The following CROCC variants were observed in gnomAD, a reference collection of about 807,000 sequenced individuals.
The protein encoded by CROCC is ciliary rootlet coiled-coil, rootletin, also known as rootletin.
Under a neutral mutation model 245.2 loss-of-function variants are expected in CROCC, and 180 were observed. The ratio of observed to expected loss-of-function variants is 0.73; its 90% CI spans 0.65 to 0.83. The LOEUF (loss-of-function observed/expected upper bound fraction) is 0.83, where lower values mean the gene tolerates loss of function less well. Among genes scored for constraint, CROCC ranks in the 40% least tolerant of loss-of-function variants. CROCC has a pLI of 0.00. For missense variants in CROCC, 2,688 were observed against 2,779.4 expected (o/e 0.97, Z 0.74); for synonymous variants, 1,205 against 1,241.6 (o/e 0.97, Z 0.62).
In CROCC at chr1:16,971,210, AGTGTGTGTGTGT is replaced by A. The variant is rs34364208; in HGVS notation, c.5785-224_5785-213del. Among the ~76,000 whole-genome samples the A allele has an allele frequency of 7.0e-3, 1,009 of 144,100 alleles. 15 individuals carry two copies. The highest frequency in any genetic ancestry group is 0.02 in the African/African-American group (758 of 38,566). The allele number at this position is 144,100 out of a possible 152,430, so 94.5% of individuals were successfully genotyped here. A position where few individuals can be genotyped will look rare whatever the true frequency, so the allele number is the denominator to read the frequency against. ...TTTGTGCCTGTGTGTATGATGTCTG[AGTGTGTGTGTGT>A]GTGTGTGTGTGTGTGTGTGTGTGTG... On this transcript the variant is annotated intron_variant, in intron 35 of 36. Transcript: ENST00000375541.
In CROCC at chr1:16,961,017, C is replaced by T; in HGVS notation, c.4292C>T (p.Ala1431Val). 7.6e-7 allele frequency: 1 copy of T among 1,307,852 alleles called. No individual in the cohort carries two copies. Among genetic ancestry groups the T allele is most frequent in the African/African-American group, 1.5e-5 (1 of 64,590 alleles). The allele number at this position is 1,307,852 out of a possible 1,614,324, so 81.0% of individuals were successfully genotyped here. ...RVEVQRRAAEAQLGGLRSALR... is the reference protein window; with the variant it reads ...RVEVQRRAAEVQLGGLRSALR... ...GAGGTGCAGCGGCGCGCGGCGGAGGCCCAGCTGGGTGGCCTGCGCTCGGCT... is the reference window on the plus strand; with the variant it reads ...GAGGTGCAGCGGCGCGCGGCGGAGGTCCAGCTGGGTGGCCTGCGCTCGGCT... Residue 1431 changes from alanine to valine, a missense_variant, in exon 27 of 37, where the codon GCC (alanine) becomes GTC (valine). Ala to Val is a moderately conservative substitution (Grantham distance 64, BLOSUM62 0). This residue lies in a region of CROCC where 1,218 missense variants were observed against 1,286.3 expected (regional missense o/e 0.95). Transcript: ENST00000375541.
chr1:16,962,004 GAT>G (rs2076341270), intron 27 of CROCC, among the ~76,000 whole-genome samples: 3 of 152,080 alleles, frequency 2.0e-5, no homozygotes, highest in Admixed American at 1.3e-4. Flanking sequence ...GGTTACTTAG[GAT>G]ACCAAATACA....
intron 17 of CROCC, 144 bp from the exon 18 acceptor site, chr1:16,948,187 A>C: frequency 7.2e-7 from 1 of 1,392,364 alleles, no homozygotes; most frequent in Non-Finnish European, 9.4e-7. Context: ...TGACTTGCCC[A>C]AGTACATGTA....
Position 16,956,116 on chromosome 1 carries a change from G to T in CROCC, c.3824G>T (p.Arg1275Leu), listed in dbSNP as rs377401701. 1.0e-5 allele frequency: 16 copies of T among 1,549,156 alleles called. No individual in the cohort carries two copies. Among genetic ancestry groups the T allele is most frequent in the Non-Finnish European group, 1.4e-5 (16 of 1,145,878 alleles). ...GGGCTGCAGGAGGTGGAGCGCTCAC[G>T]GCTGGAGGCTCGGCGGGAGCTGCAG... ...RTGLQEVERS[R>L]LEARRELQEL... Residue 1275 changes from arginine to leucine, a missense_variant, in exon 25 of 37, where the codon CGG becomes CTG. Physicochemically the swap from Arg to Leu is moderately radical, Grantham distance 102. Coordinates refer to ENST00000375541, the MANE Select transcript of CROCC (RefSeq NM_014675.5).
chr1:16,950,358 C>A (rs983755505), intron 19 of CROCC, among the ~76,000 whole-genome samples: 1 of 150,694 alleles, frequency 6.6e-6, no homozygotes, highest in African/African-American at 2.4e-5. Flanking sequence ...CCACTGCGCC[C>A]GGCCTATTTG....
intron 8 of CROCC, among the ~76,000 whole-genome samples, chr1:16,935,737 T>A (rs2100394959): frequency 6.6e-6 from 1 of 152,402 alleles, no homozygotes; most frequent in African/African-American, 2.4e-5. Flanking sequence ...CACTGCTTTT[T>A]CTTGGCCACA....
chr1:16,971,828 C>T (rs1356282180), intron 36 of CROCC, among the ~76,000 whole-genome samples, 181 bp downstream of exon 36: 1 of 152,206 alleles, frequency 6.6e-6, no homozygotes, highest in African/African-American at 2.4e-5. Context: ...TGCTCCTGGG[C>T]CCCAGGCCTC....
Position 16,966,594 on chromosome 1 carries a change from C to A in CROCC, c.4860+23C>A. On this transcript the variant is annotated intron_variant, in intron 30 of 36. Transcript: ENST00000375541. This position sits in a 1 kb window ranked among gnomAD's most constrained non-coding sequence, Gnocchi z 4.8. ...CAGGTGGGCAGGAGCTGAGGGCCAG[C>A]GGGGCGACGGGGAATCTGTGTACCC... The A allele has an allele frequency of 6.9e-7, 1 of 1,452,432 alleles. No individual in the cohort carries two copies. 90.0% of individuals were successfully genotyped at this position (1,452,432 alleles called of 1,614,324 possible).
In CROCC at chr1:16,930,004, C is replaced by A; in HGVS notation, c.510C>A (p.Ala170=). ...ACCAGGAGGGCCAGCAGCGGCAGGC[C>A]CAGCTTGTGCAGCGGCTGCAGGGCA... ...QAYQEGQQRQ[A]QLVQRLQGKI... Residue 170 remains alanine (A), a synonymous_variant, in exon 4 of 37, where the codon GCC becomes GCA. Transcript: ENST00000375541. The A allele has an allele frequency of 1.3e-6, 2 of 1,581,814 alleles. No individual in the cohort carries two copies. The highest frequency in any genetic ancestry group is 2.3e-5 in the South Asian group (2 of 86,936).
Position 16,948,343 on chromosome 1 carries a change from C to T in CROCC, c.2527C>T (p.Leu843=), listed in dbSNP as rs1463722405. ...QEQLAQLSRQ[L]SGREQELEQA... ...GGGTGGGGGCCAGCTCTCCCGGCAG[C>T]TGAGCGGGCGGGAGCAGGAGCTGGA... The change falls in exon 18 of 37, where the codon CTG becomes TTG. Residue 843 remains leucine, a synonymous_variant. Coordinates refer to ENST00000375541, the MANE Select transcript of CROCC (RefSeq NM_014675.5). The T allele has an allele frequency of 1.3e-6, 2 of 1,571,310 alleles. No homozygotes were observed. The highest frequency in any genetic ancestry group is 1.7e-6 in the Non-Finnish European group (2 of 1,163,202).
chr1:16,926,569 C>T (rs2075539061), intron 3 of CROCC, among the ~76,000 whole-genome samples: 1 of 152,280 alleles, frequency 6.6e-6, no homozygotes. Flanking sequence ...AGGGTCAGGT[C>T]TGTGTCCTGT....
chr1:16,916,575 C>T (rs907623919), intron 1 of CROCC, among the ~76,000 whole-genome samples: 3 of 152,282 alleles, frequency 2.0e-5, no homozygotes, highest in East Asian at 1.9e-4. Context: ...GACACAACCA[C>T]GGCTCATTGC....
At chr1:16,932,727 C>T (rs1291291959) in intron 8 of CROCC, among the ~76,000 whole-genome samples, 3 of 152,248 alleles carry the variant, frequency 2.0e-5, no homozygotes, top group Non-Finnish European at 4.4e-5. Context: ...GAGAGCCTGC[C>T]TCAGCGGGGG....
chr1:16,934,783 C>T (rs2075751038), intron 8 of CROCC, among the ~76,000 whole-genome samples: 1 of 151,932 alleles, frequency 6.6e-6, no homozygotes, highest in Non-Finnish European at 1.5e-5. Context: ...GCATTATCAG[C>T]TTCTTTTTCT....
rs2076217262 is a variant in CROCC, at chr1:16,954,572, G to A, written c.3322-162G>A. ...GGCGTGAGGGAGAGGCTGGCTACACGGGCAGCACTCACTATGCATCCAGGG... is the reference window on the plus strand; with the variant it reads ...GGCGTGAGGGAGAGGCTGGCTACACAGGCAGCACTCACTATGCATCCAGGG... On this transcript the variant is annotated intron_variant, in intron 22 of 36. Coordinates refer to ENST00000375541, the MANE Select transcript of CROCC (RefSeq NM_014675.5). The surrounding 1 kb of genome is among the most constrained non-coding windows in gnomAD (Gnocchi z 4.4). 6.6e-6 allele frequency among the ~76,000 whole-genome samples: 1 copy of A among 152,238 alleles called. No homozygotes were observed. The highest frequency in any genetic ancestry group is 2.4e-5 in the African/African-American group (1 of 41,476).
intron 1 of CROCC, among the ~76,000 whole-genome samples, chr1:16,914,696 T>C (rs1176112420): frequency 2.0e-5 from 3 of 152,276 alleles, no homozygotes; most frequent in Non-Finnish European, 2.9e-5. Flanking sequence ...CCTCTCACCA[T>C]GCGGCCTCAG....
chr1:16,948,323 G>C lies in CROCC; in HGVS notation c.2515-8G>C, dbSNP rs753873256. On this transcript the variant is annotated splice_polypyrimidine_tract_variant and splice_region_variant and intron_variant, in intron 17 of 36. Transcript: ENST00000375541. ...GGGAGTGCTACTCAGTCTCTGGGTG[G>C]GGGCCAGCTCTCCCGGCAGCTGAGC... 6.4e-7 allele frequency: 1 copy of C among 1,555,918 alleles called. No individual in the cohort carries two copies. Among genetic ancestry groups the C allele is most frequent in the Non-Finnish European group, 8.6e-7 (1 of 1,156,300 alleles).
Position 16,954,820 on chromosome 1 carries a change from G to A in CROCC, c.3408G>A (p.Arg1136=). ...EAAAAHAQEV[R]RLQEQARDLG... ...CTGCGGCCCACGCCCAGGAGGTGAG[G>A]AGGCTGCAAGAGCAGGCCCGAGACC... Residue 1136 remains arginine, a synonymous_variant, in exon 23 of 37, where the codon AGG becomes AGA. Coordinates refer to ENST00000375541, the MANE Select transcript of CROCC (RefSeq NM_014675.5). The surrounding 1 kb of genome is among the most constrained non-coding windows in gnomAD (Gnocchi z 4.4). 2 of 1,551,338 alleles carry A rather than the reference G, an allele frequency of 1.3e-6. No individual in the cohort carries two copies. The highest frequency in any genetic ancestry group is 1.2e-5 in the South Asian group (1 of 84,232).
chr1:16,939,846 T>G (rs763130003), intron 12 of CROCC, 48 bp from the exon 13 acceptor site: 7 of 1,591,316 alleles, frequency 4.4e-6, no homozygotes, highest in Non-Finnish European at 5.2e-6. Context: ...TAGGTGGCTC[T>G]GGAGGCCTCT....
Sources: allele counts gnomAD v4.1 joint callset (sites outside exome capture counted in the v4.1 genomes callset), GRCh38; gene constraint gnomAD v4.1.1; regional missense constraint gnomAD v4.1.1; non-coding constraint Gnocchi (gnomAD v3.1); transcripts MANE v1.5; gene names NCBI Gene and HGNC (gene_info 2026-07-23, HGNC 2026-07-21).